Variants in PLA2G4E observed in about 807,000 individuals in gnomAD.
The protein encoded by PLA2G4E is cytosolic phospholipase A2 epsilon.
Under a neutral mutation model 109.1 loss-of-function variants are expected in PLA2G4E, and 84 were observed. That is an observed-to-expected ratio of 0.77 (90% confidence interval 0.65 to 0.92). The LOEUF (loss-of-function observed/expected upper bound fraction) is 0.92. Among genes scored for constraint, PLA2G4E ranks in the 40% least tolerant of loss-of-function variants. The pLI is 0.00. For missense variants in PLA2G4E, 1,057 were observed against 1,076.6 expected, an observed-to-expected ratio of 0.98 and a Z score of 0.25; for synonymous variants, 469 against 436.1, an observed-to-expected ratio of 1.08 and a Z score of -0.94.
intron 6 of PLA2G4E, among the ~76,000 whole-genome samples, chr15:42,002,264 C>A (rs1304027012): frequency 3.1e-3 from 225 of 73,186 alleles, no homozygotes; most frequent in African/African-American, 4.5e-3. Flanking sequence ...GACCTTGTCT[C>A]AAAAAAAAAA....
chr15:42,012,843 G>A (rs1471849009), intron 2 of PLA2G4E, among the ~76,000 whole-genome samples: 2 of 152,216 alleles, frequency 1.3e-5, no homozygotes, highest in African/African-American at 4.8e-5. Context: ...AGTCATTCCT[G>A]TGTGGTTACC....
intron 1 of PLA2G4E, among the ~76,000 whole-genome samples, chr15:42,033,748 G>C (rs1239916102): frequency 6.6e-6 from 1 of 152,172 alleles, no homozygotes; most frequent in African/African-American, 2.4e-5. Flanking sequence ...CCACCACCTG[G>C]CACCCTCTCC....
exon 8 of PLA2G4E, chr15:42,000,106 C>A: frequency 6.3e-7 from 1 of 1,585,240 alleles, no homozygotes; most frequent in Non-Finnish European, 8.6e-7. Flanking sequence ...CCTTGTACCC[C>A]ACAGCTCCAG....
At chr15:42,013,291 C>A (rs2068555638) in intron 2 of PLA2G4E, among the ~76,000 whole-genome samples, 1 of 152,196 alleles carries the variant, frequency 6.6e-6, no homozygotes, top group Non-Finnish European at 1.5e-5. Flanking sequence ...CACTTCACCC[C>A]AACAGGCCCT....
exon 20 of PLA2G4E, chr15:41,982,304 T>C (rs1392326212): frequency 6.6e-6 from 1 of 152,246 alleles, no homozygotes; most frequent in East Asian, 1.9e-4. Flanking sequence ...TTTCCTTGGT[T>C]ATGTTCCCAG....
intron 18 of PLA2G4E, among the ~76,000 whole-genome samples, 188 bp downstream of exon 18, chr15:41,985,648 AGCC>A (rs2068128426): frequency 6.6e-6 from 1 of 152,266 alleles, no homozygotes; most frequent in South Asian, 2.1e-4. Flanking sequence ...ATGGTGTGAG[AGCC>A]AGCTGGCTGC....
intron 10 of PLA2G4E, chr15:41,998,156 C>G (rs1025352126): frequency 3.9e-5 from 6 of 152,254 alleles, no homozygotes; most frequent in African/African-American, 1.4e-4. Flanking sequence ...ATGAATGTAC[C>G]TTGACCATTT....
chr15:42,014,792 A>G (rs1157514714), intron 1 of PLA2G4E, among the ~76,000 whole-genome samples: 2 of 152,100 alleles, frequency 1.3e-5, no homozygotes, highest in Non-Finnish European at 2.9e-5. Flanking sequence ...GTCCTTGTGG[A>G]GTCTTGGCTG....
intron 1 of PLA2G4E, 103 bp from the exon 2 acceptor site, chr15:42,013,860 C>T: frequency 1.5e-6 from 1 of 663,102 alleles, no homozygotes; most frequent in Non-Finnish European, 2.5e-6. Flanking sequence ...GGCCCAGTTG[C>T]ATTACAACAA....
At chr15:42,024,760 G>T (rs1226665070) in intron 1 of PLA2G4E, among the ~76,000 whole-genome samples, 1 of 152,168 alleles carries the variant, frequency 6.6e-6, no homozygotes, top group Non-Finnish European at 1.5e-5. Flanking sequence ...CTGCTGAAAA[G>T]CACCTAACGC....
intron 1 of PLA2G4E, among the ~76,000 whole-genome samples, chr15:42,021,376 C>T (rs762891909): frequency 6.6e-6 from 1 of 151,966 alleles, no homozygotes; most frequent in South Asian, 2.1e-4. Flanking sequence ...AAAGCTCTAT[C>T]TCTTCAGCTT....
At chr15:42,010,782 G>A (rs2068528188) in intron 2 of PLA2G4E, among the ~76,000 whole-genome samples, 1 of 152,222 alleles carries the variant, frequency 6.6e-6, no homozygotes, top group African/African-American at 2.4e-5. Context: ...ACAACTGGGA[G>A]GTTTCTAGGC....
intron 1 of PLA2G4E, among the ~76,000 whole-genome samples, chr15:42,030,114 G>A (rs189424447): frequency 6.6e-6 from 1 of 152,306 alleles, no homozygotes; most frequent in East Asian, 1.9e-4. Flanking sequence ...TTTCTCAGGT[G>A]AGGTGGCATG....
chr15:42,000,493 A>G (rs563269191), intron 7 of PLA2G4E, among the ~76,000 whole-genome samples: 90 of 152,334 alleles, frequency 5.9e-4, no homozygotes, highest in African/African-American at 1.9e-3. Context: ...GCAGACAAAC[A>G]TAGTCCCCAG....
intron 3 of PLA2G4E, among the ~76,000 whole-genome samples, chr15:42,007,079 A>T (rs1308737625): frequency 1.3e-5 from 2 of 152,260 alleles, no homozygotes; most frequent in Non-Finnish European, 2.9e-5. Flanking sequence ...TCCCTAAAAC[A>T]TGGAGGCAGT....
At chr15:42,023,035 A>G (rs934982377) in intron 1 of PLA2G4E, among the ~76,000 whole-genome samples, 1 of 152,116 alleles carries the variant, frequency 6.6e-6, no homozygotes, top group Admixed American at 6.5e-5. Context: ...GGAGGAAGAA[A>G]CAGCATGAAC....
intron 1 of PLA2G4E, among the ~76,000 whole-genome samples, chr15:42,048,351 A>G (rs1189497202): frequency 1.3e-5 from 2 of 152,238 alleles, no homozygotes; most frequent in Admixed American, 1.3e-4. Flanking sequence ...TTGTTAAGCA[A>G]CACATGACTG....
chr15:41,989,138 C>T (rs770059103), intron 15 of PLA2G4E, among the ~76,000 whole-genome samples: 1 of 152,164 alleles, frequency 6.6e-6, no homozygotes, highest in Non-Finnish European at 1.5e-5. Flanking sequence ...AGGCACACTG[C>T]TGGCCGAAGC....
chr15:42,008,143 C>T (rs2068496309), intron 2 of PLA2G4E, among the ~76,000 whole-genome samples: 1 of 152,230 alleles, frequency 6.6e-6, no homozygotes, highest in African/African-American at 2.4e-5. Context: ...GAGCAAACAC[C>T]TGCTGGTTTG....
Sources: gnomAD v4.1 joint callset for allele counts (sites outside exome capture counted in the v4.1 genomes callset) on GRCh38, gnomAD v4.1.1 for gene constraint, MANE v1.5 for transcripts, NCBI Gene and HGNC (gene_info 2026-07-23, HGNC 2026-07-21) for gene names.